The following RGMB variants were observed in gnomAD, a reference collection of about 807,000 sequenced individuals.
The protein encoded by RGMB is repulsive guidance molecule B.
Under a neutral mutation model 26.9 loss-of-function variants are expected in RGMB, and 16 were observed. The observed-to-expected ratio is 0.60, with a 90% CI of 0.40 to 0.90. RGMB has a LOEUF of 0.90. Ranked by LOEUF, RGMB falls within the 40% of genes least tolerant of loss-of-function variation. The pLI is 0.00. For missense variants in RGMB, 512 were observed against 573.3 expected (o/e 0.89, Z 1.09); for synonymous variants, 225 against 229.3 (o/e 0.98, Z 0.17).
rs1747035475 is a variant in RGMB at position 98,794,049 on chromosome 5, G to T, written c.*296G>T. ...TATTTTTTATATATTAAATATTTAT[G>T]TGTGTGCTTGGTTGATATGTATAGT... is the stretch of plus-strand genomic sequence containing the variant. On this transcript the variant is annotated 3_prime_UTR_variant, in exon 3 of 3. Transcript: ENST00000513185. The T allele has an allele frequency of 4.1e-6, 1 of 241,970 alleles. No individual in the cohort carries two copies. The highest frequency in any genetic ancestry group is 7.6e-5 in the South Asian group (1 of 13,180). The allele number at this position is 241,970 out of a possible 1,614,324, so 15.0% of individuals were successfully genotyped here.
intron 2 of RGMB, among the ~76,000 whole-genome samples, chr5:98,789,850 AAGT>A (rs1746872769): frequency 6.6e-6 from 1 of 152,372 alleles, no homozygotes; most frequent in South Asian, 2.1e-4. Context: ...GGGGAAAAGT[AAGT>A]AGCATAGCTA....
chr5:98,792,109 G>T (rs188283531), intron 2 of RGMB, among the ~76,000 whole-genome samples: 1 of 152,158 alleles, frequency 6.6e-6, no homozygotes, highest in Non-Finnish European at 1.5e-5. Context: ...TTTCCCTGTC[G>T]CAGGGATTAG....
rs1411494649 is a variant in RGMB, at chr5:98,773,764, C to T, written c.-307C>T. 7.8e-6 allele frequency: 3 copies of T among 385,028 alleles called. No homozygotes were observed. The highest frequency in any genetic ancestry group is 6.7e-4 in the Middle Eastern group (1 of 1,486). The allele number at this position is 385,028 out of a possible 1,614,324, so 23.9% of individuals were successfully genotyped here. ...ACGCTGGCTGGGGCCGGGGTGCCGG[C>T]GCGCTCGGGACTCGTCTCAGCAGTC... On this transcript the variant is annotated 5_prime_UTR_variant, in exon 1 of 3. Coordinates refer to ENST00000513185, the MANE Select transcript of RGMB (RefSeq NM_001366508.1).
rs947820139 is a variant in RGMB, at chr5:98,773,713, C to G, written c.-358C>G. On this transcript the variant is annotated 5_prime_UTR_variant, in exon 1 of 3. Transcript: ENST00000513185. ...GTGGTCGCTAGGGCTGGGCCAGCCT[C>G]TTGGAGGTCCACGCCCGCCGAGCCC... 2 of 375,396 alleles carry G rather than the reference C, an allele frequency of 5.3e-6. No individual in the cohort carries two copies. The highest frequency in any genetic ancestry group is 9.4e-6 in the Non-Finnish European group (2 of 211,794). The allele number at this position is 375,396 out of a possible 1,614,324, so 23.3% of individuals were successfully genotyped here.
chr5:98,771,986 TTA>T (rs1281901849), upstream of RGMB, among the ~76,000 whole-genome samples: 5 of 152,214 alleles, frequency 3.3e-5, no homozygotes, highest in African/African-American at 1.2e-4. Context: ...AAAATCAGTA[TTA>T]TGTTTGATTA....
chr5:98,775,988 A>G (rs1007824152), intron 1 of RGMB, among the ~76,000 whole-genome samples: 3 of 152,216 alleles, frequency 2.0e-5, no homozygotes, highest in African/African-American at 2.4e-5. Flanking sequence ...CAGATGGACT[A>G]CTATATGTTT....
At chr5:98,787,095 G>A (rs1037005712) in intron 2 of RGMB, among the ~76,000 whole-genome samples, 5 of 152,150 alleles carry the variant, frequency 3.3e-5, no homozygotes, top group Non-Finnish European at 7.4e-5. Context: ...ACATGGTATC[G>A]AGGTCTTCCC....
intron 2 of RGMB, among the ~76,000 whole-genome samples, chr5:98,789,845 AAAGT>A (rs1428925449): frequency 1.3e-5 from 2 of 152,240 alleles, no homozygotes; most frequent in African/African-American, 4.8e-5. Context: ...ATAGAGGGGA[AAAGT>A]AAGTAGCATA....
At chr5:98,791,040 T>C (rs979966407) in intron 2 of RGMB, among the ~76,000 whole-genome samples, 1 of 152,154 alleles carries the variant, frequency 6.6e-6, no homozygotes, top group Admixed American at 6.5e-5. Flanking sequence ...ATAAATCTAT[T>C]TTATGGTCCC....
chr5:98,782,258 G>T (rs1394924936), intron 2 of RGMB, among the ~76,000 whole-genome samples: 1 of 152,140 alleles, frequency 6.6e-6, no homozygotes, highest in African/African-American at 2.4e-5. Context: ...CTAGTATGAC[G>T]TGTGCTGGTG....
rs746904610 is a variant in RGMB, at chr5:98,795,441, ACTT to A, written c.*1692_*1694del. The A allele has an allele frequency of 2.6e-5, 4 of 152,206 alleles. No individual in the cohort carries two copies. Among genetic ancestry groups the A allele is most frequent in the Admixed American group, 1.3e-4 (2 of 15,276 alleles). 9.4% of individuals were successfully genotyped at this position (152,206 alleles called of 1,614,324 possible). A position where few individuals can be genotyped will look rare whatever the true frequency, so the allele number is the denominator to read the frequency against. ...AGAGGACGTCATTTTGTAAAGTTTAACTTCTTAGCGAACTGATGTGCCACCCAG... is the reference window on the plus strand; with the variant it reads ...AGAGGACGTCATTTTGTAAAGTTTAACTTAGCGAACTGATGTGCCACCCAG... On this transcript the variant is annotated 3_prime_UTR_variant, in exon 3 of 3. Coordinates refer to ENST00000513185, the MANE Select transcript of RGMB (RefSeq NM_001366508.1).
At chr5:98,791,296 C>T (rs1181239695) in intron 2 of RGMB, among the ~76,000 whole-genome samples, 6 of 152,126 alleles carry the variant, frequency 3.9e-5, no homozygotes, top group South Asian at 4.1e-4. Context: ...TGAATTTAAC[C>T]GGTTGCTACA....
chr5:98,786,878 C>T (rs1746780349), intron 2 of RGMB, among the ~76,000 whole-genome samples: 1 of 152,050 alleles, frequency 6.6e-6, no homozygotes, highest in South Asian at 2.1e-4. Context: ...GTTTTTTATG[C>T]CCCAGTTAAC....
At chr5:98,788,323 A>G (rs1429939550) in intron 2 of RGMB, among the ~76,000 whole-genome samples, 1 of 152,160 alleles carries the variant, frequency 6.6e-6, no homozygotes, top group Admixed American at 6.5e-5. Context: ...TCCTGTAGAT[A>G]TTTGTTTTAT....
At chr5:98,783,774 C>A (rs915509459) in intron 2 of RGMB, among the ~76,000 whole-genome samples, 1 of 152,194 alleles carries the variant, frequency 6.6e-6, no homozygotes, top group Non-Finnish European at 1.5e-5. Flanking sequence ...CCAGGGAATT[C>A]AAAAGTATTC....
chr5:98,783,083 G>T (rs1746659526), intron 2 of RGMB, among the ~76,000 whole-genome samples: 2 of 152,164 alleles, frequency 1.3e-5, no homozygotes, highest in Non-Finnish European at 2.9e-5. Context: ...GAAAGGTAGG[G>T]TTTGTTTTCC....
At chr5:98,792,993 C>A in intron 2 of RGMB, 92 bp from the exon 3 acceptor site, 1 of 1,039,720 alleles carries the variant, frequency 9.6e-7, no homozygotes, top group Non-Finnish European at 1.4e-6. Context: ...AGCCATTCAG[C>A]TTCAAAATGG....
chr5:98,793,219 C>T lies in RGMB; in HGVS notation c.780C>T (p.Ile260=), dbSNP rs377417585. ...ACAGCGATGCCAAGAGCCTGCGTAT[C>T]GTGGAAAGGGAGAGTGGCCACTATG... ...GGDSDAKSLR[I]VERESGHYVE... The change falls in exon 3 of 3, where the codon ATC becomes ATT. Residue 260 remains isoleucine (I), a synonymous_variant. Coordinates refer to ENST00000513185, the MANE Select transcript of RGMB (RefSeq NM_001366508.1). 140 of 1,613,896 alleles carry T rather than the reference C, an allele frequency of 8.7e-5. 1 individual carries two copies. The highest frequency in any genetic ancestry group is 8.3e-5 in the Admixed American group (5 of 59,998).
intron 2 of RGMB, among the ~76,000 whole-genome samples, chr5:98,784,240 C>T (rs575793700): frequency 1.3e-5 from 2 of 152,320 alleles, no homozygotes; most frequent in East Asian, 3.9e-4. Context: ...ATGGGCAGCA[C>T]TCATCGCCTG....
Sources: allele counts gnomAD v4.1 joint callset (sites outside exome capture counted in the v4.1 genomes callset), GRCh38; gene constraint gnomAD v4.1.1; transcripts MANE v1.5; gene names NCBI Gene and HGNC (gene_info 2026-07-23, HGNC 2026-07-21).